The following BUD13 variants were observed in gnomAD, a reference collection of about 807,000 sequenced individuals.
The protein encoded by BUD13 is BUD13 homolog.
Under a neutral mutation model 62.5 loss-of-function variants are expected in BUD13, and 47 were observed. That is an observed-to-expected ratio of 0.75 (90% confidence interval 0.60 to 0.96). BUD13 has a LOEUF of 0.96. BUD13 is among the 40% of genes least tolerant of loss of function. The pLI is 0.00. For synonymous variants in BUD13, 293 were observed against 280.1 expected, an observed-to-expected ratio of 1.05 and a Z score of -0.46; for missense variants, 821 against 790.9, an observed-to-expected ratio of 1.04 and a Z score of -0.46.
intron 5 of BUD13, 102 bp downstream of exon 5, chr11:116,760,630 TCTC>T (rs1356378147): frequency 7.7e-7 from 1 of 1,293,296 alleles, no homozygotes; most frequent in African/African-American, 1.5e-5. Flanking sequence ...TTACTACACT[TCTC>T]AGAGCTACAT....
At chr11:116,766,249 G>C (rs1224522727) in intron 2 of BUD13, among the ~76,000 whole-genome samples, 1 of 152,172 alleles carries the variant, frequency 6.6e-6, no homozygotes, top group Non-Finnish European at 1.5e-5. Context: ...TATGTGCAAG[G>C]TACTGTGTTT....
intron 4 of BUD13, among the ~76,000 whole-genome samples, chr11:116,762,236 T>C (rs1339040073): frequency 7.2e-5 from 11 of 152,210 alleles, no homozygotes; most frequent in Non-Finnish European, 4.4e-5. Context: ...AAGATGACCC[T>C]GGCCACAACA....
intron 3 of BUD13, 118 bp downstream of exon 3, chr11:116,765,244 T>C: frequency 3.7e-6 from 4 of 1,085,794 alleles, no homozygotes; most frequent in Non-Finnish European, 5.4e-6. Context: ...CTGCTTTATT[T>C]TTCAGGATCA....
chr11:116,758,533 T>A, intron 6 of BUD13, 126 bp from the exon 7 acceptor site: 1 of 941,496 alleles, frequency 1.1e-6, no homozygotes, highest in Non-Finnish European at 1.5e-6. Flanking sequence ...AAGTAGTTCC[T>A]ACCAACATCT....
intron 2 of BUD13, among the ~76,000 whole-genome samples, chr11:116,766,030 C>T (rs1174039857): frequency 6.6e-6 from 1 of 152,178 alleles, no homozygotes; most frequent in Non-Finnish European, 1.5e-5. Flanking sequence ...TGGTCACTCG[C>T]CCAATCCCTT....
rs765911584 is a variant in BUD13 at position 116,757,156 on chromosome 11, C to A, written c.1756G>T (p.Gly586Ter). ...FNIWPGYRWD[G>*]VDRSNGFEQK... Reference sequence around the variant, plus strand: ...AATACCCAGGCTTACCTGTCCACTCCGTCCCAGCGATATCCAGGCCAGATA... The same window carrying A: ...AATACCCAGGCTTACCTGTCCACTCAGTCCCAGCGATATCCAGGCCAGATA... The change falls in exon 9 of 10, where the codon GGA (glycine) becomes TGA (stop). Residue 586 changes from glycine to a stop codon, truncating the protein, a stop_gained. Transcript: ENST00000260210. LOFTEE classifies it high-confidence loss of function. 6.2e-7 allele frequency: 1 copy of A among 1,614,038 alleles called. No homozygotes were observed. The highest frequency in any genetic ancestry group is 8.5e-7 in the Non-Finnish European group (1 of 1,179,922).
At chr11:116,772,554 A>T (rs1468585388) in intron 1 of BUD13, among the ~76,000 whole-genome samples, 2 of 152,202 alleles carry the variant, frequency 1.3e-5, no homozygotes, top group Non-Finnish European at 1.5e-5. Flanking sequence ...AGAGGACGGA[A>T]GTCTACCAAG....
intron 2 of BUD13, among the ~76,000 whole-genome samples, chr11:116,766,080 C>T (rs780317846): frequency 6.6e-6 from 1 of 152,232 alleles, no homozygotes; most frequent in Non-Finnish European, 1.5e-5. Flanking sequence ...CAGTCCACTG[C>T]ATTTTTCAAA....
At chr11:116,772,745 C>A (rs1287167850) in intron 1 of BUD13, 77 bp downstream of exon 1, 5 of 1,422,998 alleles carry the variant, frequency 3.5e-6, no homozygotes, top group East Asian at 2.8e-5. Flanking sequence ...AGGGAAGGAA[C>A]TGCCGGGCGG....
At chr11:116,769,888 CAAAAATTAAAAAAAA>C (rs1298336202) in intron 2 of BUD13, among the ~76,000 whole-genome samples, 1 of 150,882 alleles carries the variant, frequency 6.6e-6, no homozygotes, top group Non-Finnish European at 1.5e-5. Flanking sequence ...CCCATTTCTA[CAAAAATTAAAAAAAA>C]AAAATTAGCC....
intron 9 of BUD13, 86 bp from the exon 10 acceptor site, chr11:116,748,661 G>A: frequency 7.7e-7 from 1 of 1,296,682 alleles, no homozygotes; most frequent in Non-Finnish European, 1.1e-6. Context: ...ACAATATAAT[G>A]AAAAGGGGGG....
chr11:116,770,140 C>A lies in BUD13; in HGVS notation c.226G>T (p.Asp76Tyr). The A allele has an allele frequency of 6.2e-7, 1 of 1,612,010 alleles. No homozygotes were observed. Residue 76 changes from aspartate to tyrosine, a missense_variant, in exon 2 of 10, where the codon GAT becomes TAT. Coordinates refer to ENST00000260210, the MANE Select transcript of BUD13 (RefSeq NM_032725.4). ...CCAAAGATACATACCACAGGCAAATCTCCATCATCTTCCTCTTCCTCCTTT... is the reference window on the plus strand; with the variant it reads ...CCAAAGATACATACCACAGGCAAATATCCATCATCTTCCTCTTCCTCCTTT... ...LEKEEEEDDG[D>Y]LPVVAEFVDE...
At chr11:116,755,784 T>C (rs571928009) in intron 9 of BUD13, among the ~76,000 whole-genome samples, 1 of 152,372 alleles carries the variant, frequency 6.6e-6, no homozygotes, top group Admixed American at 6.5e-5. Flanking sequence ...AGTAATTATG[T>C]TAACATAATT....
At chr11:116,761,186 G>T (rs1940425959) in intron 4 of BUD13, among the ~76,000 whole-genome samples, 1 of 152,006 alleles carries the variant, frequency 6.6e-6, no homozygotes, top group Non-Finnish European at 1.5e-5. Context: ...CAAGTAGCTG[G>T]AATTACAGGT....
At position 116,762,861 on chromosome 11, in the gene BUD13, C is replaced by T. The variant is rs995942229; in HGVS notation, c.728G>A (p.Arg243Lys). Residue 243 changes from arginine to lysine, a missense_variant, in exon 4 of 10, where the codon AGG (arginine) becomes AAG (lysine). Arg to Lys is a conservative substitution (Grantham distance 26, BLOSUM62 2). This residue lies in a region of BUD13 where 800 missense variants were observed against 739.2 expected (regional missense o/e 1.08). Coordinates refer to ENST00000260210, the MANE Select transcript of BUD13 (RefSeq NM_032725.4). ...HGSSDISSPR[R>K]VHNNSPDTSR... ...TGTGTCAGGGGAGTTGTTATGGACCCTTCTGGGGGAAGAGATATCTGAGGA... is the reference window on the plus strand; with the variant it reads ...TGTGTCAGGGGAGTTGTTATGGACCTTTCTGGGGGAAGAGATATCTGAGGA... The T allele has an allele frequency of 1.1e-5, 17 of 1,613,536 alleles. 1 individual carries two copies. Among genetic ancestry groups the T allele is most frequent in the Non-Finnish European group, 1.4e-5 (17 of 1,179,912 alleles).
At chr11:116,752,314 C>T (rs777316686) in intron 9 of BUD13, among the ~76,000 whole-genome samples, 1 of 152,058 alleles carries the variant, frequency 6.6e-6, no homozygotes, top group Non-Finnish European at 1.5e-5. Flanking sequence ...TACTATATAT[C>T]TGTTCCGGAA....
At chr11:116,751,950 T>C (rs887882406) in intron 9 of BUD13, among the ~76,000 whole-genome samples, 2 of 151,810 alleles carry the variant, frequency 1.3e-5, no homozygotes, top group African/African-American at 4.9e-5. Context: ...GGCCTCAGTT[T>C]CTCTTTTTTT....
chr11:116,758,499 A>G lies in BUD13; in HGVS notation c.1361-92T>C, dbSNP rs1034509255. The G allele has an allele frequency of 4.9e-6, 7 of 1,431,150 alleles. No homozygotes were observed. The Admixed American group carries it at 8.3e-5, about 17-fold the overall frequency. The allele number at this position is 1,431,150 out of a possible 1,614,324, so 88.7% of individuals were successfully genotyped here. Reference sequence around the variant, plus strand: ...CAACCGCTTGGGATTCTAATGCTAGATAAGAACTTCTGCAGCCAGACCAAA... The same window carrying G: ...CAACCGCTTGGGATTCTAATGCTAGGTAAGAACTTCTGCAGCCAGACCAAA... On this transcript the variant is annotated intron_variant, in intron 6 of 9. Transcript: ENST00000260210.
Position 116,762,545 on chromosome 11 carries a change from A to G in BUD13, c.1036+8T>C, listed in dbSNP as rs776010716. The stretch of plus-strand genomic sequence containing the variant: ...ATACATCCCTCTCATGGACAGTCAT[A>G]TGCTCACCTTTGGAATCAAGCTGCT... On this transcript the variant is annotated splice_region_variant and intron_variant, in intron 4 of 9. Transcript: ENST00000260210. 2 of 1,595,630 alleles carry G rather than the reference A, an allele frequency of 1.3e-6. No homozygotes were observed. Among genetic ancestry groups the G allele is most frequent in the South Asian group, 2.3e-5 (2 of 88,124 alleles).
Sources: gnomAD v4.1 joint callset for allele counts (sites outside exome capture counted in the v4.1 genomes callset) on GRCh38, gnomAD v4.1.1 for gene constraint, gnomAD v4.1.1 regional missense constraint, MANE v1.5 for transcripts, NCBI Gene and HGNC (gene_info 2026-07-23, HGNC 2026-07-21) for gene names.